The following TCERG1L variants were observed in gnomAD, a reference collection of about 807,000 sequenced individuals.
TCERG1L encodes the protein transcription elongation regulator 1-like protein.
Under a neutral mutation model 56.3 loss-of-function variants are expected in TCERG1L, and 37 were observed. The ratio of observed to expected loss-of-function variants is 0.66; its 90% confidence interval spans 0.51 to 0.87. The LOEUF (loss-of-function observed/expected upper bound fraction) is 0.87, where lower values mean the gene tolerates loss of function less well. Ranked by LOEUF, TCERG1L falls within the 40% of genes least tolerant of loss-of-function variation. The pLI, the probability that TCERG1L is intolerant of heterozygous loss-of-function variation, is 0.00. For synonymous variants in TCERG1L, 324 were observed against 326.3 expected (o/e 0.99, Z 0.08); for missense variants, 799 against 774.2 (o/e 1.03, Z -0.38).
chr10:131,204,666 C>T (rs956090587), intron 4 of TCERG1L, among the ~76,000 whole-genome samples: 1 of 152,208 alleles, frequency 6.6e-6, no homozygotes, highest in Non-Finnish European at 1.5e-5. Context: ...TGTCCTTCCA[C>T]TAGAGGCTAA....
intron 4 of TCERG1L, among the ~76,000 whole-genome samples, chr10:131,224,160 C>T (rs1256264454): frequency 2.0e-5 from 3 of 152,134 alleles, no homozygotes; most frequent in Admixed American, 6.5e-5. Flanking sequence ...CCCCTTCTTC[C>T]CAGCTGAGAC....
At chr10:131,174,081 C>T (rs972116792) in intron 4 of TCERG1L, among the ~76,000 whole-genome samples, 1 of 152,182 alleles carries the variant, frequency 6.6e-6, no homozygotes, top group Non-Finnish European at 1.5e-5. Context: ...CCAGGGTCCT[C>T]TGGTCCATCC....
At chr10:131,181,379 G>A (rs976157565) in intron 4 of TCERG1L, among the ~76,000 whole-genome samples, 4 of 152,244 alleles carry the variant, frequency 2.6e-5, no homozygotes, top group African/African-American at 7.2e-5. Flanking sequence ...GCGATTGGGC[G>A]GGCCTGGGCA....
At chr10:131,176,225 C>T (rs1846146354) in intron 4 of TCERG1L, among the ~76,000 whole-genome samples, 1 of 152,204 alleles carries the variant, frequency 6.6e-6, no homozygotes, top group Non-Finnish European at 1.5e-5. Context: ...CAATGCTGCA[C>T]ACACAGATAC....
intron 4 of TCERG1L, among the ~76,000 whole-genome samples, chr10:131,220,345 C>T (rs1338619422): frequency 6.6e-6 from 1 of 152,198 alleles, no homozygotes; most frequent in African/African-American, 2.4e-5. Context: ...AGGTTAGGGA[C>T]CAGGGAGAGC....
intron 3 of TCERG1L, among the ~76,000 whole-genome samples, chr10:131,300,421 T>C (rs1253815901): frequency 6.6e-6 from 1 of 152,208 alleles, no homozygotes; most frequent in East Asian, 1.9e-4. Context: ...AGGCGTTCCA[T>C]GTTTTCAGTT....
At chr10:131,233,510 A>G (rs988261172) in intron 4 of TCERG1L, among the ~76,000 whole-genome samples, 1 of 152,134 alleles carries the variant, frequency 6.6e-6, no homozygotes, top group African/African-American at 2.4e-5. Context: ...ACACATGCAC[A>G]CACAAAATTT....
At chr10:131,123,370 G>A (rs543873046) in intron 8 of TCERG1L, among the ~76,000 whole-genome samples, 43 of 152,298 alleles carry the variant, frequency 2.8e-4, no homozygotes, top group African/African-American at 1.0e-3. Context: ...AGGCAGGCAG[G>A]ACACCCACAA....
chr10:131,254,475 G>A (rs920076991), intron 4 of TCERG1L, among the ~76,000 whole-genome samples: 22 of 152,068 alleles, frequency 1.4e-4, no homozygotes, highest in Admixed American at 5.2e-4. Context: ...GTGCCCCTGC[G>A]CCTGGCTCCT....
chr10:131,259,213 A>G (rs1846207441), intron 4 of TCERG1L, among the ~76,000 whole-genome samples: 1 of 152,220 alleles, frequency 6.6e-6, no homozygotes, highest in Non-Finnish European at 1.5e-5. Context: ...CAAAAATTGG[A>G]AAGTCATGGA....
chr10:131,163,399 G>C (rs144482616), intron 5 of TCERG1L, among the ~76,000 whole-genome samples, 189 bp from the exon 6 acceptor site: 2 of 152,350 alleles, frequency 1.3e-5, no homozygotes, highest in South Asian at 4.1e-4. Context: ...GTGCAGAGCA[G>C]ACTGGGTAGA....
chr10:131,239,331 G>A, intron 4 of TCERG1L, among the ~76,000 whole-genome samples: 1 of 152,250 alleles, frequency 6.6e-6, no homozygotes, highest in East Asian at 1.9e-4. Flanking sequence ...TGCTGCAGAA[G>A]AGGTTGACAG....
intron 9 of TCERG1L, among the ~76,000 whole-genome samples, chr10:131,110,509 G>C (rs1189404801): frequency 6.6e-6 from 1 of 152,206 alleles, no homozygotes; most frequent in East Asian, 1.9e-4. Context: ...ACAGCAGCTT[G>C]AGCAGACTCT....
chr10:131,245,779 G>A (rs541333316), intron 4 of TCERG1L, among the ~76,000 whole-genome samples: 5 of 152,190 alleles, frequency 3.3e-5, no homozygotes, highest in Non-Finnish European at 7.3e-5. Flanking sequence ...GGTGCAGTGG[G>A]TGGGAAGTGC....
At chr10:131,214,425 T>A (rs1306526109) in intron 4 of TCERG1L, among the ~76,000 whole-genome samples, 1 of 152,180 alleles carries the variant, frequency 6.6e-6, no homozygotes, top group Non-Finnish European at 1.5e-5. Flanking sequence ...TAACTCTTGA[T>A]TAGCAAGCCT....
chr10:131,246,824 C>T (rs1846044858), intron 4 of TCERG1L, among the ~76,000 whole-genome samples: 1 of 152,214 alleles, frequency 6.6e-6, no homozygotes, highest in Non-Finnish European at 1.5e-5. Flanking sequence ...AAGGCATCCC[C>T]CTGCCGGGAG....
Position 131,294,514 on chromosome 10 carries a change from C to T in TCERG1L, c.670+13697G>A, listed in dbSNP as rs551910005. Among the ~76,000 whole-genome samples, 5 of 152,312 alleles carry T rather than the reference C, an allele frequency of 3.3e-5. No individual in the cohort carries two copies. In the East Asian group the frequency reaches 9.6e-4, roughly 29 times the overall value. On this transcript the variant is annotated intron_variant, in intron 3 of 11. Transcript: ENST00000368642. ...AGGGCAGCTGTCCTCAACCTTGGCC[C>T]AAATAAACTCTCTGTATTAATTTTG...
intron 4 of TCERG1L, among the ~76,000 whole-genome samples, chr10:131,205,341 C>A (rs2918128): frequency 6.7e-6 from 1 of 150,088 alleles, no homozygotes; most frequent in Non-Finnish European, 1.5e-5. Flanking sequence ...GAAACCTAAA[C>A]AGGTTTTCAA....
chr10:131,215,040 G>A (rs904587607), intron 4 of TCERG1L, among the ~76,000 whole-genome samples: 9 of 152,200 alleles, frequency 5.9e-5, no homozygotes, highest in Admixed American at 5.2e-4. Context: ...TCCCGAGATT[G>A]CAGGTGAGTG....
Sources: gnomAD v4.1 joint callset for allele counts (sites outside exome capture counted in the v4.1 genomes callset) on GRCh38, gnomAD v4.1.1 for gene constraint, MANE v1.5 for transcripts, NCBI Gene and HGNC (gene_info 2026-07-23, HGNC 2026-07-21) for gene names.